DISP1: variants seen among roughly 807,000 people sequenced by gnomAD.
DISP1 encodes protein dispatched homolog 1.
In DISP1, 30 loss-of-function variants were observed where a neutral mutation model predicts 37.3. The ratio of observed to expected loss-of-function variants is 0.80; its 90% CI spans 0.60 to 1.09. The LOEUF is 1.09. Among genes scored for constraint, DISP1 ranks in the 50% least tolerant of loss-of-function variants. The pLI, the probability that DISP1 is intolerant of heterozygous loss-of-function variation, is 0.00. For synonymous variants in DISP1, 634 were observed against 690.2 expected (o/e 0.92, Z 1.28); for missense variants, 1,598 against 1,879.5 (o/e 0.85, Z 2.77).
rs1444274012 is a variant in DISP1, at chr1:223,003,957, G to A, written c.2560G>A (p.Glu854Lys). The change falls in exon 9 of 9, where the codon GAG becomes AAG. Residue 854 changes from glutamate to lysine, a missense_variant. Physicochemically the swap from Glu to Lys is moderately conservative, Grantham distance 56 (BLOSUM62 1). Transcript: ENST00000675850. The surrounding 1 kb of genome is among the most constrained non-coding windows in gnomAD (Gnocchi z 4.3). ...DEQDFTSCFI[E>K]TFKQWMENQD... ...ACAGGACTTCACCAGCTGCTTCATT[G>A]AGACATTCAAACAGTGGATGGAAAA... is the stretch of plus-strand genomic sequence containing the variant. 3 of 1,614,128 alleles carry A rather than the reference G, an allele frequency of 1.9e-6. No individual in the cohort carries two copies. Among genetic ancestry groups the A allele is most frequent in the Non-Finnish European group, 2.5e-6 (3 of 1,180,026 alleles).
chr1:222,978,981 T>A (rs1677618320), intron 3 of DISP1, among the ~76,000 whole-genome samples: 1 of 152,064 alleles, frequency 6.6e-6, no homozygotes, highest in Non-Finnish European at 1.5e-5. Flanking sequence ...TTCTTTTGGC[T>A]TAGGATTGAC....
intron 1 of DISP1, among the ~76,000 whole-genome samples, chr1:222,815,342 T>G (rs1657707092): frequency 6.6e-6 from 1 of 151,500 alleles, no homozygotes; most frequent in African/African-American, 2.4e-5. Flanking sequence ...GCCCTGAGAC[T>G]GGAGGTTGCG....
In DISP1 at chr1:222,932,025, G is replaced by A. The variant is rs146960080; in HGVS notation, c.-18+3455G>A. The stretch of plus-strand genomic sequence containing the variant: ...GAAATCTCTTTTCATTGTAACAAGA[G>A]CAATAAAAAAAAGTAAAGATAGTTT... On this transcript the variant is annotated intron_variant, in intron 2 of 8. Transcript: ENST00000675850. 3.2e-3 allele frequency among the ~76,000 whole-genome samples: 489 copies of A among 151,664 alleles called. 3 individuals are homozygous for A. The highest frequency in any genetic ancestry group is 0.012 in the African/African-American group (478 of 41,412).
intron 2 of DISP1, among the ~76,000 whole-genome samples, chr1:222,935,842 A>G (rs922962755): frequency 1.3e-5 from 2 of 152,132 alleles, no homozygotes; most frequent in Non-Finnish European, 2.9e-5. Flanking sequence ...TCTTAACGCT[A>G]TTTGTATTCT....
At chr1:222,953,228 G>A (rs1572609749) in intron 3 of DISP1, among the ~76,000 whole-genome samples, 1 of 152,044 alleles carries the variant, frequency 6.6e-6, no homozygotes, top group Non-Finnish European at 1.5e-5. Flanking sequence ...TAGCTATTTT[G>A]CACTTAACAC....
intron 1 of DISP1, among the ~76,000 whole-genome samples, chr1:222,907,592 TGA>T (rs1390461582): frequency 6.6e-6 from 1 of 152,014 alleles, no homozygotes; most frequent in Non-Finnish European, 1.5e-5. Context: ...ATAAAAGCAG[TGA>T]GATTAGAGAT....
At chr1:222,964,175 T>G (rs1452861961) in intron 3 of DISP1, among the ~76,000 whole-genome samples, 1 of 152,048 alleles carries the variant, frequency 6.6e-6, no homozygotes, top group African/African-American at 2.4e-5. Context: ...GGTGGGCACC[T>G]GTAGTTCCAG....
At chr1:222,959,844 A>G (rs1430205055) in intron 3 of DISP1, among the ~76,000 whole-genome samples, 2 of 151,870 alleles carry the variant, frequency 1.3e-5, no homozygotes, top group Non-Finnish European at 2.9e-5. Flanking sequence ...CTAGTCTCTG[A>G]CAAAACAGAC....
At chr1:222,967,968 A>G (rs1031788302) in intron 3 of DISP1, among the ~76,000 whole-genome samples, 1 of 152,186 alleles carries the variant, frequency 6.6e-6, no homozygotes, top group African/African-American at 2.4e-5. Flanking sequence ...TACAGATGCA[A>G]GAATAACACT....
rs1241317591 is a variant in DISP1 at position 222,887,497 on chromosome 1, T to G, written c.-158-40933T>G. ...GTCACATTGTTTTTGTTTTTTTTTT[T>G]TTTTTTTTTTTTGAGACGGAGTCTC... On this transcript the variant is annotated intron_variant, in intron 1 of 8. Coordinates refer to ENST00000675850, the MANE Select transcript of DISP1 (RefSeq NM_001377229.1). Among the ~76,000 whole-genome samples, 2 of 123,072 alleles carry G rather than the reference T, an allele frequency of 1.6e-5. 1 individual carries two copies. Among genetic ancestry groups the G allele is most frequent in the Non-Finnish European group, 3.6e-5 (2 of 55,784 alleles). The allele number at this position is 123,072 out of a possible 152,430, so 80.7% of individuals were successfully genotyped here.
At chr1:222,961,173 A>G (rs1676032454) in intron 3 of DISP1, among the ~76,000 whole-genome samples, 2 of 152,218 alleles carry the variant, frequency 1.3e-5, no homozygotes, top group Admixed American at 6.5e-5. Context: ...GAAAAAAAGA[A>G]AACTTCAAGC....
At chr1:222,900,148 T>C (rs1671501201) in intron 1 of DISP1, among the ~76,000 whole-genome samples, 1 of 152,216 alleles carries the variant, frequency 6.6e-6, no homozygotes. Flanking sequence ...CATTAATCAG[T>C]AGAATTGAGA....
chr1:222,873,752 T>C (rs1669735779), intron 1 of DISP1, among the ~76,000 whole-genome samples: 1 of 152,222 alleles, frequency 6.6e-6, no homozygotes, highest in Non-Finnish European at 1.5e-5. Flanking sequence ...GCCTTTTAAT[T>C]GGAGCATTTA....
chr1:222,946,745 C>G (rs565309127), intron 3 of DISP1, among the ~76,000 whole-genome samples: 1 of 152,252 alleles, frequency 6.6e-6, no homozygotes, highest in East Asian at 1.9e-4. Flanking sequence ...AGAAAAGTTA[C>G]AGATGGAGAG....
chr1:222,864,597 T>A (rs539889799), intron 1 of DISP1, among the ~76,000 whole-genome samples: 2 of 152,298 alleles, frequency 1.3e-5, no homozygotes, highest in South Asian at 4.1e-4. Flanking sequence ...TAAAAATAAT[T>A]CTTTTGTTTT....
At chr1:222,829,650 C>T (rs1300474504) in intron 1 of DISP1, among the ~76,000 whole-genome samples, 1 of 152,022 alleles carries the variant, frequency 6.6e-6, no homozygotes, top group Non-Finnish European at 1.5e-5. Context: ...CCATGTTGGC[C>T]AGCCTGGTCT....
At chr1:222,821,856 A>G (rs988869265) in intron 1 of DISP1, among the ~76,000 whole-genome samples, 5 of 139,100 alleles carry the variant, frequency 3.6e-5, no homozygotes, top group Admixed American at 7.5e-5. Context: ...TCCAGCCTGG[A>G]TGACAGAGTG....
At chr1:222,957,038 A>C (rs1675649834) in intron 3 of DISP1, among the ~76,000 whole-genome samples, 1 of 151,790 alleles carries the variant, frequency 6.6e-6, no homozygotes, top group African/African-American at 2.4e-5. Context: ...GCTAAGGAAG[A>C]ATGTTTCCTT....
intron 1 of DISP1, among the ~76,000 whole-genome samples, chr1:222,903,540 A>G (rs551220013): frequency 7.2e-5 from 11 of 152,168 alleles, no homozygotes; most frequent in African/African-American, 2.2e-4. Flanking sequence ...ATTTACTAGG[A>G]TATTGGATAA....
Sources: allele counts gnomAD v4.1 joint callset (sites outside exome capture counted in the v4.1 genomes callset), GRCh38; gene constraint gnomAD v4.1.1; non-coding constraint Gnocchi (gnomAD v3.1); transcripts MANE v1.5; gene names NCBI Gene and HGNC (gene_info 2026-07-23, HGNC 2026-07-21).